The following YES1 variants were observed in gnomAD, a reference collection of about 807,000 sequenced individuals.
YES1 encodes YES proto-oncogene 1, Src family tyrosine kinase.
Under a neutral mutation model 70.4 loss-of-function variants are expected in YES1, and 39 were observed. The observed-to-expected ratio is 0.55, with a 90% CI of 0.43 to 0.72. The LOEUF is 0.72. Ranked by LOEUF, YES1 falls within the 30% of genes least tolerant of loss-of-function variation. The pLI is 0.00. For synonymous variants in YES1, 198 were observed against 218.6 expected (o/e 0.91, Z 0.83); for missense variants, 495 against 644.8 (o/e 0.77, Z 2.52).
intron 1 of YES1, among the ~76,000 whole-genome samples, chr18:798,532 T>C (rs1906656306): frequency 6.6e-6 from 1 of 152,012 alleles, no homozygotes; most frequent in Non-Finnish European, 1.5e-5. Context: ...AAAGGGGAAA[T>C]GGTGAGAAGA....
At chr18:785,152 CCTTTT>C (rs1905870865) in intron 1 of YES1, among the ~76,000 whole-genome samples, 1 of 105,062 alleles carries the variant, frequency 9.5e-6, no homozygotes, top group Admixed American at 9.4e-5. Context: ...TATGCACAGA[CCTTTT>C]TTTTTTTTTA....
chr18:774,398 C>T (rs114856874), intron 1 of YES1, among the ~76,000 whole-genome samples: 1,944 of 152,272 alleles, frequency 0.013, 49 homozygotes, highest in African/African-American at 0.045. Flanking sequence ...TAACTGTCTA[C>T]GCAATACCTT....
chr18:765,247 ACTATAT>A (rs1568204670), intron 1 of YES1, among the ~76,000 whole-genome samples: 2 of 62,392 alleles, frequency 3.2e-5, no homozygotes, highest in East Asian at 8.7e-4. Context: ...AAGAGTTACA[ACTATAT>A]ATATATATAT....
chr18:794,667 T>A (rs1039758444), intron 1 of YES1, among the ~76,000 whole-genome samples: 4 of 152,186 alleles, frequency 2.6e-5, no homozygotes, highest in African/African-American at 9.7e-5. Context: ...ACACTCTGGA[T>A]ACCATCCTTC....
At chr18:752,677 T>C (rs2080356785) in intron 2 of YES1, among the ~76,000 whole-genome samples, 1 of 152,166 alleles carries the variant, frequency 6.6e-6, no homozygotes, top group Non-Finnish European at 1.5e-5. Flanking sequence ...TCACAGTGGT[T>C]CACGTCTGTA....
At chr18:729,596 A>G (rs1205810655) in intron 11 of YES1, among the ~76,000 whole-genome samples, 4 of 146,554 alleles carry the variant, frequency 2.7e-5, no homozygotes, top group African/African-American at 1.0e-4. Context: ...ATTATCTCAG[A>G]GTCTGCTCCT....
chr18:785,262 C>G (rs895120232), intron 1 of YES1, among the ~76,000 whole-genome samples: 1 of 151,896 alleles, frequency 6.6e-6, no homozygotes, highest in African/African-American at 2.4e-5. Flanking sequence ...ATGTTGGACA[C>G]TGGTGGAAAT....
At chr18:751,832 A>G in intron 2 of YES1, 28 bp from the exon 3 acceptor site, 1 of 1,276,882 alleles carries the variant, frequency 7.8e-7, no homozygotes, top group Middle Eastern at 1.9e-4. Context: ...GACCAAGGTA[A>G]ATTATGTAGC....
chr18:757,991 T>C (rs1003334713), intron 1 of YES1, among the ~76,000 whole-genome samples: 3 of 152,160 alleles, frequency 2.0e-5, no homozygotes, highest in African/African-American at 7.2e-5. Context: ...CAATGGGTAC[T>C]AGCAAATACT....
chr18:799,865 A>G (rs1390969133), intron 1 of YES1, among the ~76,000 whole-genome samples: 3 of 152,134 alleles, frequency 2.0e-5, no homozygotes, highest in Non-Finnish European at 4.4e-5. Context: ...AGCCTGGGCT[A>G]AAGAACGAGA....
At chr18:758,949 T>C (rs535324446) in intron 1 of YES1, among the ~76,000 whole-genome samples, 2 of 152,350 alleles carry the variant, frequency 1.3e-5, no homozygotes, top group South Asian at 4.1e-4. Flanking sequence ...CATTCTTATT[T>C]GTATAGTTTT....
chr18:811,573 AC>A (rs1419909245), intron 1 of YES1, among the ~76,000 whole-genome samples: 1 of 152,086 alleles, frequency 6.6e-6, no homozygotes, highest in East Asian at 1.9e-4. Context: ...CCAACCCCCA[AC>A]CCAAAACAAA....
intron 1 of YES1, among the ~76,000 whole-genome samples, chr18:789,766 A>T (rs1404101396): frequency 2.0e-5 from 3 of 147,744 alleles, no homozygotes; most frequent in Non-Finnish European, 3.0e-5. Context: ...TTTACAATCT[A>T]AAAAAAAAAA....
intron 11 of YES1, among the ~76,000 whole-genome samples, chr18:731,390 T>G (rs1349771743): frequency 6.6e-6 from 1 of 152,084 alleles, no homozygotes; most frequent in Non-Finnish European, 1.5e-5. Flanking sequence ...ATAACTTGAA[T>G]GGTATCAGTG....
chr18:769,840 G>A (rs1220854458), intron 1 of YES1, among the ~76,000 whole-genome samples: 2 of 151,848 alleles, frequency 1.3e-5, no homozygotes, highest in African/African-American at 4.8e-5. Flanking sequence ...AAATATTTTT[G>A]TCTATGGTCA....
In YES1 at chr18:751,785, C is replaced by T. The variant is rs548238679; in HGVS notation, c.291G>A (p.Val97=). 6.2e-7 allele frequency: 1 copy of T among 1,600,164 alleles called. No individual in the cohort carries two copies. Among genetic ancestry groups the T allele is most frequent in the East Asian group, 2.2e-5 (1 of 44,656 alleles). Residue 97 remains valine, a synonymous_variant, in exon 3 of 12, where the codon GTG becomes GTA. Coordinates refer to ENST00000314574, the MANE Select transcript of YES1 (RefSeq NM_005433.4). The part of the protein sequence containing the change: ...AGLTGGVTIF[V]ALYDYEARTT... The stretch of plus-strand genomic sequence containing the variant: ...TTCTAGCTTCATAATCATATAAGGC[C>T]ACAAATATAGTAACACCACCTATCA...
chr18:781,573 G>C (rs1051483028), intron 1 of YES1, among the ~76,000 whole-genome samples: 2 of 152,086 alleles, frequency 1.3e-5, no homozygotes, highest in African/African-American at 4.8e-5. Context: ...TACAAACTTT[G>C]AGACAAGAAA....
At chr18:793,536 T>C (rs935757909) in intron 1 of YES1, among the ~76,000 whole-genome samples, 3 of 152,016 alleles carry the variant, frequency 2.0e-5, no homozygotes, top group Non-Finnish European at 2.9e-5. Context: ...GGGGTCTCAC[T>C]AAATTGCTCA....
chr18:771,786 C>T (rs1299114500), intron 1 of YES1, among the ~76,000 whole-genome samples: 9 of 151,760 alleles, frequency 5.9e-5, no homozygotes, highest in Non-Finnish European at 1.3e-4. Context: ...CCCCACACTT[C>T]GGCCTTCCCT....
Sources: gnomAD v4.1 joint callset for allele counts (sites outside exome capture counted in the v4.1 genomes callset) on GRCh38, gnomAD v4.1.1 for gene constraint, MANE v1.5 for transcripts, NCBI Gene and HGNC (gene_info 2026-07-23, HGNC 2026-07-21) for gene names.